Variants in EPHB1 observed in about 807,000 individuals in gnomAD.
EPHB1 encodes ephrin type-B receptor 1.
EPHB1 carries 30 observed loss-of-function variants against 94.4 expected under a neutral mutation model. The ratio of observed to expected loss-of-function variants is 0.32; its 90% confidence interval spans 0.24 to 0.43. The LOEUF (loss-of-function observed/expected upper bound fraction) is 0.43, where lower values mean the gene tolerates loss of function less well. Among genes scored for constraint, EPHB1 ranks in the 20% least tolerant of loss-of-function variants. EPHB1 has a pLI of 1.00. For missense variants in EPHB1, 1,055 were observed against 1,308.3 expected (o/e 0.81, Z 2.99); for synonymous variants, 522 against 489.1 (o/e 1.07, Z -0.89).
intron 10 of EPHB1, among the ~76,000 whole-genome samples, chr3:135,182,165 C>T (rs1942172789): frequency 6.6e-6 from 1 of 152,218 alleles, no homozygotes; most frequent in Non-Finnish European, 1.5e-5. Flanking sequence ...CCCTCATACC[C>T]TGCCCCACTG....
At position 135,257,919 on chromosome 3, in the gene EPHB1, G is replaced by A. The variant is rs184331726; in HGVS notation, c.2847-1093G>A. On this transcript the variant is annotated intron_variant, in intron 15 of 15. Coordinates refer to ENST00000398015, the MANE Select transcript of EPHB1 (RefSeq NM_004441.5). ...GGTGTGGGATATAATCTCGTGGTGC[G>A]CCGTGTTTTAAGCCTGTCGGAAAAG... Among the ~76,000 whole-genome samples the A allele has an allele frequency of 2.7e-3, 404 of 151,620 alleles. 1 individual carries two copies. Among genetic ancestry groups the A allele is most frequent in the Non-Finnish European group, 3.8e-3 (258 of 67,646 alleles).
chr3:135,122,577 C>A (rs568282332), intron 4 of EPHB1, among the ~76,000 whole-genome samples: 2 of 152,262 alleles, frequency 1.3e-5, no homozygotes, highest in East Asian at 1.9e-4. Flanking sequence ...TACTGAGGTG[C>A]ACTGCCTCCC....
chr3:134,967,870 G>A (rs1398838563), intron 3 of EPHB1, among the ~76,000 whole-genome samples: 1 of 152,180 alleles, frequency 6.6e-6, no homozygotes, highest in Non-Finnish European at 1.5e-5. Flanking sequence ...GAAAACATCT[G>A]CTCATTCTAA....
chr3:135,128,586 C>G (rs1940300656), intron 4 of EPHB1, among the ~76,000 whole-genome samples: 1 of 152,188 alleles, frequency 6.6e-6, no homozygotes, highest in South Asian at 2.1e-4. Flanking sequence ...ACAGACAGAA[C>G]CCAGCATTGT....
Position 135,069,964 on chromosome 3 carries a change from A to G in EPHB1, c.806-36484A>G, listed in dbSNP as rs780107400. On this transcript the variant is annotated intron_variant, in intron 3 of 15. Transcript: ENST00000398015. ...AAATCAAATACAAACAGATGTCTTT[A>G]CTGCAGGACTTTTCAGAGCCTTTCT... 2.0e-5 allele frequency among the ~76,000 whole-genome samples: 3 copies of G among 152,218 alleles called. No individual in the cohort carries two copies. In the East Asian group the frequency reaches 5.8e-4, roughly 29 times the overall value.
intron 3 of EPHB1, among the ~76,000 whole-genome samples, chr3:135,066,638 G>C (rs891293060): frequency 6.6e-6 from 1 of 151,936 alleles, no homozygotes; most frequent in African/African-American, 2.4e-5. Context: ...ACTGGGCCTC[G>C]CCTTTCTCTG....
chr3:134,828,311 A>T (rs748943987), intron 1 of EPHB1, among the ~76,000 whole-genome samples: 3 of 152,232 alleles, frequency 2.0e-5, no homozygotes, highest in Non-Finnish European at 2.9e-5. Flanking sequence ...GTCTTAATAG[A>T]CTTTGAATAT....
intron 5 of EPHB1, among the ~76,000 whole-genome samples, chr3:135,141,244 A>C (rs952992728): frequency 6.0e-5 from 9 of 151,086 alleles, no homozygotes; most frequent in Middle Eastern, 3.5e-3. Context: ...GCCCCCTAAG[A>C]GCGCATCTGC....
chr3:134,836,796 T>C (rs2036680623), intron 1 of EPHB1, among the ~76,000 whole-genome samples: 1 of 152,240 alleles, frequency 6.6e-6, no homozygotes, highest in African/African-American at 2.4e-5. Flanking sequence ...TGACATTTAC[T>C]TTCTTCTTCC....
chr3:135,039,440 T>C (rs868453491), intron 3 of EPHB1, among the ~76,000 whole-genome samples: 1 of 152,180 alleles, frequency 6.6e-6, no homozygotes, highest in Admixed American at 6.5e-5. Context: ...TCCTCATCCC[T>C]TGGGTGGTCG....
chr3:135,009,089 G>C (rs926986509), intron 3 of EPHB1, among the ~76,000 whole-genome samples: 2 of 152,184 alleles, frequency 1.3e-5, no homozygotes, highest in African/African-American at 2.4e-5. Context: ...CTCCTTGTCT[G>C]ACTGGGAGGA....
chr3:135,048,259 C>CTTTTTTTTTTTT (rs34135757), intron 3 of EPHB1, among the ~76,000 whole-genome samples: 384 of 55,230 alleles, frequency 7.0e-3, no homozygotes, highest in African/African-American at 7.5e-3. Flanking sequence ...TTTCTTTTTT[C>CTTTTTTTTTTTT]TTTTTTTTTT....
At chr3:134,894,158 A>G (rs995482407) in intron 1 of EPHB1, among the ~76,000 whole-genome samples, 8 of 152,226 alleles carry the variant, frequency 5.3e-5, no homozygotes, top group Non-Finnish European at 8.8e-5. Flanking sequence ...GGATCCTTGC[A>G]GCCCAGCACG....
At chr3:134,918,994 C>T (rs1460843669) in intron 1 of EPHB1, among the ~76,000 whole-genome samples, 6 of 152,088 alleles carry the variant, frequency 3.9e-5, no homozygotes, top group Non-Finnish European at 7.4e-5. Context: ...GAAGAGCAAC[C>T]GAGATGAGGC....
intron 11 of EPHB1, among the ~76,000 whole-genome samples, chr3:135,194,301 G>C (rs1942538113): frequency 6.6e-6 from 1 of 152,166 alleles, no homozygotes; most frequent in African/African-American, 2.4e-5. Context: ...AGTACCCAAA[G>C]CTTCTAGTAA....
chr3:134,819,955 C>T (rs4955504), intron 1 of EPHB1, among the ~76,000 whole-genome samples: 112,357 of 152,124 alleles, frequency 0.74, 45,700 homozygotes, highest in Non-Finnish European at 0.9. Flanking sequence ...ATTGCTGTAA[C>T]ACCTGATTCC....
intron 12 of EPHB1, among the ~76,000 whole-genome samples, chr3:135,235,885 G>A (rs1943639518): frequency 6.6e-6 from 1 of 152,116 alleles, no homozygotes; most frequent in Admixed American, 6.5e-5. Flanking sequence ...ATGTTAGAGG[G>A]GCCCTGTGGT....
intron 1 of EPHB1, among the ~76,000 whole-genome samples, chr3:134,915,664 T>C (rs1380266822): frequency 6.6e-6 from 1 of 152,148 alleles, no homozygotes; most frequent in Non-Finnish European, 1.5e-5. Flanking sequence ...GGGTTCGTGG[T>C]CTCGCTGGCT....
At chr3:134,854,668 A>C (rs1460576304) in intron 1 of EPHB1, among the ~76,000 whole-genome samples, 1 of 152,024 alleles carries the variant, frequency 6.6e-6, no homozygotes, top group Non-Finnish European at 1.5e-5. Context: ...GGACCCCGTG[A>C]CCCGTGTAAC....
Sources: allele counts gnomAD v4.1 joint callset (sites outside exome capture counted in the v4.1 genomes callset), GRCh38; gene constraint gnomAD v4.1.1; transcripts MANE v1.5; gene names NCBI Gene and HGNC (gene_info 2026-07-23, HGNC 2026-07-21).